PLA2G4E: variants seen among roughly 807,000 people sequenced by gnomAD.
The protein encoded by PLA2G4E is phospholipase A2 group IVE.
In PLA2G4E, 84 loss-of-function variants were observed where a neutral mutation model predicts 109.1. The observed-to-expected ratio is 0.77, with a 90% CI of 0.65 to 0.92. PLA2G4E has a LOEUF of 0.92. Ranked by LOEUF, PLA2G4E falls within the 40% of genes least tolerant of loss-of-function variation. The pLI, the probability that PLA2G4E is intolerant of heterozygous loss-of-function variation, is 0.00. For synonymous variants in PLA2G4E, 469 were observed against 436.1 expected (o/e 1.08, Z -0.94); for missense variants, 1,057 against 1,076.6 (o/e 0.98, Z 0.25).
chr15:41,983,675 T>C, exon 20 of PLA2G4E: 3 of 1,310,796 alleles, frequency 2.3e-6, no homozygotes, highest in Middle Eastern at 2.6e-4. Flanking sequence ...GCTGGCTGCG[T>C]AGTAACCTGG....
intron 13 of PLA2G4E, 56 bp downstream of exon 13, chr15:41,992,681 A>G (rs1025574876): frequency 1.3e-6 from 2 of 1,542,264 alleles, no homozygotes; most frequent in Non-Finnish European, 1.8e-6. Context: ...TGAGGAAGAA[A>G]GAGAGCCAGG....
intron 1 of PLA2G4E, among the ~76,000 whole-genome samples, chr15:42,042,207 C>T (rs1889327095): frequency 6.6e-6 from 1 of 152,102 alleles, no homozygotes; most frequent in Non-Finnish European, 1.5e-5. Context: ...TCACTATTCA[C>T]TGATATGTAG....
chr15:41,995,008 C>T (rs2068314483), intron 12 of PLA2G4E, among the ~76,000 whole-genome samples: 1 of 152,242 alleles, frequency 6.6e-6, no homozygotes, highest in South Asian at 2.1e-4. Context: ...CGTTGCATGT[C>T]CCCAGCAGTA....
chr15:42,045,764 T>A (rs1237177911), intron 1 of PLA2G4E, among the ~76,000 whole-genome samples: 3 of 152,202 alleles, frequency 2.0e-5, no homozygotes, highest in Non-Finnish European at 2.9e-5. Flanking sequence ...TTTAGAGATG[T>A]CATCCAGCTC....
intron 1 of PLA2G4E, among the ~76,000 whole-genome samples, chr15:42,040,202 A>G (rs1421051820): frequency 3.3e-5 from 5 of 151,834 alleles, no homozygotes; most frequent in African/African-American, 1.2e-4. Context: ...ACACACACAC[A>G]CGCACACACA....
chr15:42,028,614 C>T (rs1025569419), intron 1 of PLA2G4E, among the ~76,000 whole-genome samples: 2 of 152,042 alleles, frequency 1.3e-5, no homozygotes, highest in African/African-American at 4.8e-5. Context: ...ACCATGTGGG[C>T]CAGGCTGGTG....
At chr15:42,005,078 G>A (rs529543266) in intron 4 of PLA2G4E, 100 bp from the exon 5 acceptor site, 166 of 1,390,506 alleles carry the variant, frequency 1.2e-4, no homozygotes, top group Middle Eastern at 9.4e-4. Flanking sequence ...ACCTGCCTCC[G>A]TCCTTCCCCC....
At chr15:42,045,024 C>G (rs1889389271) in intron 1 of PLA2G4E, among the ~76,000 whole-genome samples, 1 of 151,728 alleles carries the variant, frequency 6.6e-6, no homozygotes, top group African/African-American at 2.4e-5. Flanking sequence ...GCTTCAGTGA[C>G]CCGGCAGGAT....
intron 4 of PLA2G4E, 111 bp from the exon 5 acceptor site, chr15:42,005,089 A>G (rs1196536270): frequency 1.7e-5 from 22 of 1,272,482 alleles, no homozygotes; most frequent in Non-Finnish European, 4.5e-6. Flanking sequence ...TCCTTCCCCC[A>G]CAGCTGCCTG....
At chr15:41,984,324 G>C in intron 19 of PLA2G4E, 112 bp downstream of exon 19, 1 of 1,205,876 alleles carries the variant, frequency 8.3e-7, no homozygotes, top group Admixed American at 2.7e-5. Flanking sequence ...GTTGGCTCAG[G>C]CTGGAGCTGA....
intron 1 of PLA2G4E, among the ~76,000 whole-genome samples, chr15:42,041,115 T>G (rs1712428): frequency 0.19 from 29,159 of 152,058 alleles, 2,965 homozygotes; most frequent in South Asian, 0.33. Flanking sequence ...GGAGGGCAAT[T>G]TGGTAATCTT....
chr15:42,000,964 G>A (rs575388188), intron 7 of PLA2G4E, among the ~76,000 whole-genome samples, 193 bp downstream of exon 7: 9 of 152,178 alleles, frequency 5.9e-5, no homozygotes, highest in Non-Finnish European at 1.0e-4. Flanking sequence ...GGGCGAACAC[G>A]CCCTTTACAG....
intron 2 of PLA2G4E, among the ~76,000 whole-genome samples, chr15:42,013,149 G>T (rs148050411): frequency 2.0e-3 from 307 of 152,306 alleles, no homozygotes; most frequent in African/African-American, 7.1e-3. Flanking sequence ...CACATCCATG[G>T]GCTGAACTGT....
chr15:41,988,208 C>A, intron 15 of PLA2G4E, 52 bp from the exon 16 acceptor site: 1 of 1,382,770 alleles, frequency 7.2e-7, no homozygotes. Context: ...CCAGGCCCCA[C>A]ACTGACATTT....
At chr15:41,993,043 A>G (rs1402225507) in intron 12 of PLA2G4E, 84 bp from the exon 13 acceptor site, 12 of 1,273,700 alleles carry the variant, frequency 9.4e-6, no homozygotes, top group South Asian at 1.4e-5. Flanking sequence ...GAAGGTGGGC[A>G]GGCCATTGAG....
chr15:41,999,217 T>C (rs1039409398), intron 10 of PLA2G4E: 6 of 253,194 alleles, frequency 2.4e-5, no homozygotes, highest in Non-Finnish European at 4.5e-5. Flanking sequence ...AACAAGAATG[T>C]GAAAAGATAC....
At position 41,988,040 on chromosome 15, in the gene PLA2G4E, G is replaced by T. The variant is rs2068174975; in HGVS notation, c.1831+9C>A. 1.9e-6 allele frequency: 3 copies of T among 1,584,044 alleles called. No individual in the cohort carries two copies. Among genetic ancestry groups the T allele is most frequent in the Non-Finnish European group, 2.6e-6 (3 of 1,161,612 alleles). On this transcript the variant is annotated intron_variant, in intron 16 of 19. Transcript: ENST00000399518. Reference sequence around the variant, plus strand: ...CACCCAGCCATGAGGGAAAGCCGGGGTCACCCACCGATGTCCTGCACTTTC... The same window carrying T: ...CACCCAGCCATGAGGGAAAGCCGGGTTCACCCACCGATGTCCTGCACTTTC...
chr15:42,036,696 C>A (rs1345660299), intron 1 of PLA2G4E, among the ~76,000 whole-genome samples: 1 of 152,132 alleles, frequency 6.6e-6, no homozygotes, highest in Non-Finnish European at 1.5e-5. Context: ...GGACACTGGC[C>A]GGGGCCCAGC....
At chr15:42,012,567 A>G (rs2068547473) in intron 2 of PLA2G4E, among the ~76,000 whole-genome samples, 1 of 152,046 alleles carries the variant, frequency 6.6e-6, no homozygotes, top group Non-Finnish European at 1.5e-5. Context: ...TCTCCCCAAG[A>G]TCGGGCTCCC....
Sources: gnomAD v4.1 joint callset for allele counts (sites outside exome capture counted in the v4.1 genomes callset) on GRCh38, gnomAD v4.1.1 for gene constraint, MANE v1.5 for transcripts, NCBI Gene and HGNC (gene_info 2026-07-23, HGNC 2026-07-21) for gene names.